OSBPL9: variants seen among roughly 807,000 people sequenced by gnomAD.
OSBPL9 encodes oxysterol-binding protein-related protein 9.
Under a neutral mutation model 106.6 loss-of-function variants are expected in OSBPL9, and 40 were observed. The observed-to-expected ratio is 0.38, with a 90% CI of 0.29 to 0.49. OSBPL9 has a LOEUF of 0.49. Among genes scored for constraint, OSBPL9 ranks in the 20% least tolerant of loss-of-function variants. OSBPL9 has a pLI of 0.97. For synonymous variants in OSBPL9, 269 were observed against 295.4 expected, an observed-to-expected ratio of 0.91 and a Z score of 0.92; for missense variants, 609 against 887.2, an observed-to-expected ratio of 0.69 and a Z score of 3.98.
At chr1:51,741,823 T>C (rs751672779) in intron 4 of OSBPL9, among the ~76,000 whole-genome samples, 11 of 152,198 alleles carry the variant, frequency 7.2e-5, no homozygotes, top group Non-Finnish European at 1.5e-4. Context: ...ATTTAAACTT[T>C]AAATGAATTC....
At chr1:51,631,126 G>T (rs1201926132) in intron 1 of OSBPL9, among the ~76,000 whole-genome samples, 1 of 152,180 alleles carries the variant, frequency 6.6e-6, no homozygotes, top group Non-Finnish European at 1.5e-5. Flanking sequence ...GTGCTGATTG[G>T]TTGGGTTGGA....
the OSBPL9 span, among the ~76,000 whole-genome samples, chr1:51,531,272 G>A: frequency 1.3e-5 from 2 of 152,124 alleles, no homozygotes; most frequent in Non-Finnish European, 1.5e-5. Context: ...GCAAGACTCT[G>A]TCTAAAAATA....
At chr1:51,601,895 G>T (rs1557581299) in intron 2 of OSBPL9, among the ~76,000 whole-genome samples, 1 of 151,912 alleles carries the variant, frequency 6.6e-6, no homozygotes, top group Non-Finnish European at 1.5e-5. Context: ...TCAAGAACTT[G>T]CTGTCTAAAT....
intron 3 of OSBPL9, among the ~76,000 whole-genome samples, chr1:51,692,307 C>T (rs374289372): frequency 5.8e-4 from 89 of 152,142 alleles, no homozygotes; most frequent in African/African-American, 2.1e-3. Flanking sequence ...AGTAAGACCT[C>T]GTCTGAAATA....
chr1:51,662,739 C>T (rs889173193), intron 2 of OSBPL9, among the ~76,000 whole-genome samples: 71 of 145,168 alleles, frequency 4.9e-4, no homozygotes, highest in African/African-American at 5.1e-4. Context: ...TAAAAATCAA[C>T]GAATTTTTTT....
At chr1:51,751,805 C>T (rs1215321316) in intron 8 of OSBPL9, among the ~76,000 whole-genome samples, 1 of 152,180 alleles carries the variant, frequency 6.6e-6, no homozygotes, top group Non-Finnish European at 1.5e-5. Flanking sequence ...ATTTCAGTAG[C>T]TCACTGTTTA....
intron 4 of OSBPL9, among the ~76,000 whole-genome samples, chr1:51,715,843 T>C (rs1660955497): frequency 6.6e-6 from 1 of 152,252 alleles, no homozygotes; most frequent in African/African-American, 2.4e-5. Flanking sequence ...ACCCTTTTTT[T>C]CAAAGCCTAG....
chr1:51,577,463 CAG>C (rs1224854729), intron 1 of OSBPL9, among the ~76,000 whole-genome samples: 13 of 151,646 alleles, frequency 8.6e-5, no homozygotes, highest in African/African-American at 3.1e-4. Flanking sequence ...TTAGTAGAGA[CAG>C]GGTTTCATCG....
intron 3 of OSBPL9, among the ~76,000 whole-genome samples, chr1:51,705,399 ATTTTTTTTTTT>A (rs869169566): frequency 0.028 from 1,110 of 39,722 alleles, 9 homozygotes; most frequent in African/African-American, 0.033. Context: ...ATATATATAT[ATTTTTTTTTTT>A]TTTTTTTTTT....
In OSBPL9 at chr1:51,705,399, A is replaced by ATTTTTTTTTTTTT. The variant is rs869169566; in HGVS notation, c.242-8585_242-8573dup. ...TTCATATATATATATATATATATATATTTTTTTTTTTTTTTTTTTTTTTTT... is the reference window on the plus strand; with the variant it reads ...TTCATATATATATATATATATATATATTTTTTTTTTTTTTTTTTTTTTTTTTTTTTTTTTTTTT... On this transcript the variant is annotated intron_variant, in intron 3 of 23. Coordinates refer to ENST00000428468, the MANE Select transcript of OSBPL9 (RefSeq NM_024586.6). 9.9e-5 allele frequency among the ~76,000 whole-genome samples: 4 copies of ATTTTTTTTTTTTT among 40,456 alleles called. 1 individual carries two copies. The highest frequency in any genetic ancestry group is 2.9e-3 in the East Asian group (2 of 678). The allele number at this position is 40,456 out of a possible 152,430, so 26.5% of individuals were successfully genotyped here.
At chr1:51,764,400 G>T (rs1672137247) in intron 11 of OSBPL9, among the ~76,000 whole-genome samples, 1 of 151,976 alleles carries the variant, frequency 6.6e-6, no homozygotes, top group South Asian at 2.1e-4. Flanking sequence ...TACTAATAAG[G>T]TGAGCTACCT....
chr1:51,560,438 G>C, the OSBPL9 span, among the ~76,000 whole-genome samples: 2 of 152,228 alleles, frequency 1.3e-5, no homozygotes, highest in African/African-American at 4.8e-5. Context: ...TTATAGAGTT[G>C]TGAGAATTTG....
At chr1:51,726,406 A>AT (rs1663123264) in intron 4 of OSBPL9, among the ~76,000 whole-genome samples, 1 of 151,616 alleles carries the variant, frequency 6.6e-6, no homozygotes, top group Admixed American at 6.6e-5. Context: ...GGCTTTTTAT[A>AT]TTTTTTCTTC....
At chr1:51,733,891 G>A (rs557261254) in intron 4 of OSBPL9, among the ~76,000 whole-genome samples, 1 of 152,124 alleles carries the variant, frequency 6.6e-6, no homozygotes, top group African/African-American at 2.4e-5. Flanking sequence ...AGTACTAATT[G>A]GTTCTGGAGT....
chr1:51,551,350 TC>T, the OSBPL9 span, among the ~76,000 whole-genome samples: 1 of 152,100 alleles, frequency 6.6e-6, no homozygotes, highest in South Asian at 2.1e-4. Context: ...ATTTCCCTCT[TC>T]TTCAATTCCC....
At chr1:51,567,397 T>C in the OSBPL9 span, 1 of 152,208 alleles carries the variant, frequency 6.6e-6, no homozygotes, top group Non-Finnish European at 1.5e-5. Flanking sequence ...CCACCTACTA[T>C]CCTCTAGCCA....
At chr1:51,571,984 G>A in the OSBPL9 span, among the ~76,000 whole-genome samples, 42 of 152,168 alleles carry the variant, frequency 2.8e-4, no homozygotes, top group Non-Finnish European at 4.4e-4. Flanking sequence ...ATGAGTGGCT[G>A]AGCAGACTAC....
chr1:51,527,674 G>T, the OSBPL9 span, among the ~76,000 whole-genome samples: 5 of 152,126 alleles, frequency 3.3e-5, no homozygotes, highest in Admixed American at 1.3e-4. Context: ...GATTACAGAT[G>T]TGAGTCACTG....
the OSBPL9 span, among the ~76,000 whole-genome samples, chr1:51,539,478 C>T: frequency 6.6e-6 from 1 of 152,162 alleles, no homozygotes; most frequent in Admixed American, 6.5e-5. Flanking sequence ...CTCACCTATT[C>T]TTTACCCTCT....
Sources: gnomAD v4.1 joint callset for allele counts (sites outside exome capture counted in the v4.1 genomes callset) on GRCh38, gnomAD v4.1.1 for gene constraint, MANE v1.5 for transcripts, NCBI Gene and HGNC (gene_info 2026-07-23, HGNC 2026-07-21) for gene names.